The following ITPR2 variants were observed in gnomAD, a reference collection of about 807,000 sequenced individuals.
ITPR2 encodes the protein inositol 1,4,5-trisphosphate receptor type 2, also known as inositol 1,4,5-trisphosphate-gated calcium channel ITPR2.
Under a neutral mutation model 317.1 loss-of-function variants are expected in ITPR2, and 207 were observed. The ratio of observed to expected loss-of-function variants is 0.65; its 90% confidence interval spans 0.58 to 0.73. The LOEUF (loss-of-function observed/expected upper bound fraction) is 0.73. Among genes scored for constraint, ITPR2 ranks in the 30% least tolerant of loss-of-function variants. The probability of loss-of-function intolerance (pLI) is 0.00; values close to 1 mark genes in which losing one functional copy is unlikely to be tolerated. For missense variants in ITPR2, 2,613 were observed against 3,284.0 expected, an observed-to-expected ratio of 0.80 and a Z score of 4.99; for synonymous variants, 1,156 against 1,149.1, an observed-to-expected ratio of 1.01 and a Z score of -0.12.
At chr12:26,804,600 T>G (rs1408383459) in intron 1 of ITPR2, among the ~76,000 whole-genome samples, 2 of 152,162 alleles carry the variant, frequency 1.3e-5, no homozygotes, top group Non-Finnish European at 2.9e-5. Context: ...ATTAAATCAT[T>G]TCCCTCGCTT....
chr12:26,428,671 T>C (rs1164490129), intron 48 of ITPR2, among the ~76,000 whole-genome samples: 1 of 152,228 alleles, frequency 6.6e-6, no homozygotes, highest in Non-Finnish European at 1.5e-5. Flanking sequence ...TTTTTAGCTA[T>C]TTACTCATCA....
intron 40 of ITPR2, 110 bp downstream of exon 40, chr12:26,486,958 T>G (rs966111945): frequency 1.8e-6 from 2 of 1,107,802 alleles, no homozygotes; most frequent in Non-Finnish European, 2.8e-6. Context: ...AGAGCCACAG[T>G]GGGGATAATT....
chr12:26,706,299 T>C (rs1032488267), intron 9 of ITPR2, among the ~76,000 whole-genome samples: 6 of 152,204 alleles, frequency 3.9e-5, no homozygotes, highest in Admixed American at 2.0e-4. Flanking sequence ...TGGTCTTCTT[T>C]AATCACAAAT....
intron 2 of ITPR2, among the ~76,000 whole-genome samples, chr12:26,738,615 T>C (rs986454698): frequency 5.9e-5 from 9 of 152,018 alleles, no homozygotes; most frequent in African/African-American, 1.5e-4. Context: ...GAGAAGGGGG[T>C]TGTTTTTGTT....
At chr12:26,786,969 G>A (rs1158440392) in intron 2 of ITPR2, among the ~76,000 whole-genome samples, 2 of 152,176 alleles carry the variant, frequency 1.3e-5, no homozygotes, top group African/African-American at 4.8e-5. Context: ...ATGCTGGGAT[G>A]GTGATTCTGG....
At chr12:26,642,184 T>C (rs1947005717) in intron 21 of ITPR2, among the ~76,000 whole-genome samples, 1 of 152,192 alleles carries the variant, frequency 6.6e-6, no homozygotes, top group Non-Finnish European at 1.5e-5. Context: ...ATTGTTTTCA[T>C]GTCTAGAATT....
intron 55 of ITPR2, chr12:26,373,853 A>T (rs1404158197): frequency 6.6e-6 from 1 of 152,234 alleles, no homozygotes; most frequent in African/African-American, 2.4e-5. Flanking sequence ...CACTTGAAGG[A>T]GCCCAAAATG....
intron 37 of ITPR2, among the ~76,000 whole-genome samples, chr12:26,516,037 C>T (rs1295283551): frequency 6.6e-6 from 1 of 151,090 alleles, no homozygotes; most frequent in Non-Finnish European, 1.5e-5. Flanking sequence ...GGCAGGAGGA[C>T]TGCTTGAGCC....
chr12:26,477,263 A>C (rs1275538073), intron 43 of ITPR2, among the ~76,000 whole-genome samples: 2 of 152,160 alleles, frequency 1.3e-5, no homozygotes, highest in Non-Finnish European at 2.9e-5. Context: ...CTTCAAATGC[A>C]AAAGTGACTT....
intron 26 of ITPR2, among the ~76,000 whole-genome samples, chr12:26,611,785 T>C (rs1471166196): frequency 1.3e-5 from 2 of 152,244 alleles, no homozygotes; most frequent in Admixed American, 6.5e-5. Flanking sequence ...AGGGTAATCC[T>C]GACTTAACCT....
chr12:26,550,389 G>A (rs1299601624), intron 36 of ITPR2, 34 bp from the exon 37 acceptor site: 7 of 895,860 alleles, frequency 7.8e-6, no homozygotes, highest in Non-Finnish European at 1.3e-5. Context: ...TAGAAAGACA[G>A]TGATTTCTCT....
At chr12:26,682,128 C>T in intron 12 of ITPR2, 94 bp from the exon 13 acceptor site, 1 of 1,022,666 alleles carries the variant, frequency 9.8e-7, no homozygotes, top group South Asian at 1.6e-5. Flanking sequence ...AAATATAAGA[C>T]AAGAATAGAT....
At position 26,432,644 on chromosome 12, in the gene ITPR2, C is replaced by CATCATTCT. The variant is rs1247824558; in HGVS notation, c.6769+3576_6769+3577insAGAATGAT. ...TTTGCCAAATGGTGACATTTATTTCCGTCATTCTGTCTACATTTTATTAAT... is the reference window on the plus strand; with the variant it reads ...TTTGCCAAATGGTGACATTTATTTCCATCATTCTGTCATTCTGTCTACATTTTATTAAT... On this transcript the variant is annotated intron_variant, in intron 48 of 56. Coordinates refer to ENST00000381340, the MANE Select transcript of ITPR2 (RefSeq NM_002223.4). 2.4e-3 allele frequency among the ~76,000 whole-genome samples: 360 copies of CATCATTCT among 152,112 alleles called. 1 individual carries two copies. The highest frequency in any genetic ancestry group is 8.2e-3 in the African/African-American group (339 of 41,482).
At chr12:26,827,213 C>T (rs1951020982) in intron 1 of ITPR2, among the ~76,000 whole-genome samples, 1 of 152,154 alleles carries the variant, frequency 6.6e-6, no homozygotes, top group Admixed American at 6.5e-5. Flanking sequence ...TAAATTGATT[C>T]TTTAGATGAA....
chr12:26,790,806 G>A (rs574015560), intron 1 of ITPR2, among the ~76,000 whole-genome samples: 84 of 152,272 alleles, frequency 5.5e-4, no homozygotes, highest in Middle Eastern at 3.4e-3. Context: ...TTCCTGGCCT[G>A]CATTCAATCT....
intron 4 of ITPR2, among the ~76,000 whole-genome samples, chr12:26,723,758 G>T (rs1168532513): frequency 1.3e-5 from 2 of 152,138 alleles, no homozygotes; most frequent in Admixed American, 6.6e-5. Context: ...TTTACTGTAA[G>T]GAAGCTGTCA....
intron 2 of ITPR2, among the ~76,000 whole-genome samples, chr12:26,758,915 C>T (rs926753980): frequency 4.3e-4 from 65 of 152,242 alleles, no homozygotes; most frequent in African/African-American, 1.5e-3. Flanking sequence ...GGTTATTGAT[C>T]CTCTATGGAT....
At chr12:26,751,904 C>T (rs1949430110) in intron 2 of ITPR2, among the ~76,000 whole-genome samples, 1 of 151,554 alleles carries the variant, frequency 6.6e-6, no homozygotes, top group African/African-American at 2.4e-5. Context: ...CTAAAACCCA[C>T]ACTGTAAAAC....
Position 26,458,958 on chromosome 12 carries a change from G to A in ITPR2, c.6343-15308C>T, listed in dbSNP as rs551917495. On this transcript the variant is annotated intron_variant, in intron 45 of 56. Coordinates refer to ENST00000381340, the MANE Select transcript of ITPR2 (RefSeq NM_002223.4). Reference sequence around the variant, plus strand: ...TGTGATCCCATAGCGGGCCTTCCCCGATGAGAACTACAAAGCACCGCACAG... The same window carrying A: ...TGTGATCCCATAGCGGGCCTTCCCCAATGAGAACTACAAAGCACCGCACAG... Among the ~76,000 whole-genome samples, 185 of 152,312 alleles carry A rather than the reference G, an allele frequency of 1.2e-3. 1 individual carries two copies. The highest frequency in any genetic ancestry group is 0.011 in the Admixed American group (171 of 15,304).
Sources: gnomAD v4.1 joint callset for allele counts (sites outside exome capture counted in the v4.1 genomes callset) on GRCh38, gnomAD v4.1.1 for gene constraint, MANE v1.5 for transcripts, NCBI Gene and HGNC (gene_info 2026-07-23, HGNC 2026-07-21) for gene names.